The following MYO16 variants were observed in gnomAD, a reference collection of about 807,000 sequenced individuals.
MYO16 encodes myosin XVI.
In MYO16, 94 loss-of-function variants were observed where a neutral mutation model predicts 205.3. The ratio of observed to expected loss-of-function variants is 0.46; its 90% CI spans 0.39 to 0.54. MYO16 has a LOEUF of 0.54. MYO16 is among the 20% of genes least tolerant of loss of function. MYO16 has a pLI of 0.00. For synonymous variants in MYO16, 988 were observed against 954.0 expected (o/e 1.04, Z -0.66); for missense variants, 2,315 against 2,387.5 (o/e 0.97, Z 0.63).
At chr13:108,752,105 C>A (rs1229778287) in intron 4 of MYO16, among the ~76,000 whole-genome samples, 1 of 152,122 alleles carries the variant, frequency 6.6e-6, no homozygotes, top group East Asian at 1.9e-4. Flanking sequence ...TATAGGAATG[C>A]TCTGTGGTAT....
chr13:108,833,862 C>A (rs1876753631), intron 9 of MYO16, among the ~76,000 whole-genome samples: 1 of 152,014 alleles, frequency 6.6e-6, no homozygotes, highest in Admixed American at 6.6e-5. Flanking sequence ...TTAATCTAAG[C>A]TACCCTTGGA....
intron 1 of MYO16, among the ~76,000 whole-genome samples, chr13:108,617,981 GTCT>G (rs1164515137): frequency 1.3e-5 from 2 of 152,120 alleles, no homozygotes; most frequent in African/African-American, 4.8e-5. Context: ...TAGAAAGCTG[GTCT>G]TCTCTCTCAC....
chr13:108,596,894 G>C (rs1291963207), intron 1 of MYO16, among the ~76,000 whole-genome samples: 1 of 152,130 alleles, frequency 6.6e-6, no homozygotes, highest in Non-Finnish European at 1.5e-5. Context: ...GATCAGCAGG[G>C]TGACTAAGGT....
intron 4 of MYO16, among the ~76,000 whole-genome samples, chr13:108,753,301 T>C (rs867458862): frequency 1.4e-5 from 2 of 138,996 alleles, no homozygotes; most frequent in Non-Finnish European, 3.0e-5. Context: ...AACTGGAAGG[T>C]GGAGGTTGCA....
intron 23 of MYO16, among the ~76,000 whole-genome samples, chr13:109,034,195 A>G (rs1380255263): frequency 6.6e-6 from 1 of 152,228 alleles, no homozygotes; most frequent in East Asian, 1.9e-4. Context: ...GGAAAAAGGA[A>G]TTAGAGATAA....
At chr13:108,575,189 T>G in the MYO16 span, among the ~76,000 whole-genome samples, 1 of 152,218 alleles carries the variant, frequency 6.6e-6, no homozygotes, top group Non-Finnish European at 1.5e-5. Flanking sequence ...GGTTCACTTC[T>G]GCAGCCCCAA....
intron 27 of MYO16, among the ~76,000 whole-genome samples, chr13:109,081,528 G>A (rs1476904807): frequency 1.3e-5 from 2 of 152,190 alleles, no homozygotes; most frequent in African/African-American, 4.8e-5. Flanking sequence ...TAGGAGAATA[G>A]CATGATACCT....
intron 32 of MYO16, among the ~76,000 whole-genome samples, chr13:109,164,650 C>A (rs1159561558): frequency 3.9e-5 from 6 of 152,126 alleles, no homozygotes; most frequent in African/African-American, 1.4e-4. Context: ...TCTATGACAT[C>A]AAAAATTCTT....
At chr13:108,622,356 C>A (rs558562673) in intron 1 of MYO16, among the ~76,000 whole-genome samples, 6 of 152,248 alleles carry the variant, frequency 3.9e-5, no homozygotes, top group African/African-American at 1.4e-4. Flanking sequence ...TTTCTTATCA[C>A]AGGAATTTGA....
At chr13:109,065,094 A>G (rs546400928) in intron 27 of MYO16, among the ~76,000 whole-genome samples, 1 of 152,218 alleles carries the variant, frequency 6.6e-6, no homozygotes, top group Admixed American at 6.5e-5. Flanking sequence ...CTTCACTCCT[A>G]TGCCTGGTGC....
chr13:108,558,332 C>T, the MYO16 span, among the ~76,000 whole-genome samples: 1 of 152,170 alleles, frequency 6.6e-6, no homozygotes, highest in Admixed American at 6.5e-5. Flanking sequence ...TGTCCTTTTG[C>T]CTCTCATGTT....
intron 7 of MYO16, among the ~76,000 whole-genome samples, chr13:108,816,523 C>G (rs538682595): frequency 6.6e-6 from 1 of 152,138 alleles, no homozygotes; most frequent in South Asian, 2.1e-4. Flanking sequence ...GTTCTGTAAG[C>G]TGTTTTTCTT....
chr13:108,613,779 A>G (rs1304010851), intron 1 of MYO16, among the ~76,000 whole-genome samples: 1 of 152,152 alleles, frequency 6.6e-6, no homozygotes, highest in Non-Finnish European at 1.5e-5. Flanking sequence ...AAAGTAACAC[A>G]AAAGCCAAAT....
At chr13:108,892,578 A>C (rs1017260703) in intron 14 of MYO16, among the ~76,000 whole-genome samples, 1 of 152,188 alleles carries the variant, frequency 6.6e-6, no homozygotes, top group Non-Finnish European at 1.5e-5. Context: ...AATTTGGGAG[A>C]ATAGCATAAC....
chr13:109,074,737 A>G (rs927372536), intron 27 of MYO16, among the ~76,000 whole-genome samples: 13 of 152,074 alleles, frequency 8.5e-5, no homozygotes, highest in African/African-American at 2.7e-4. Flanking sequence ...CACTATCACA[A>G]AAACAGCATG....
the MYO16 span, among the ~76,000 whole-genome samples, chr13:108,577,326 A>G: frequency 6.6e-6 from 1 of 152,210 alleles, no homozygotes; most frequent in Admixed American, 6.5e-5. Context: ...AAATCTGGCT[A>G]TTAGAGAGCC....
At chr13:108,749,970 A>T (rs530069681) in intron 4 of MYO16, among the ~76,000 whole-genome samples, 1 of 152,388 alleles carries the variant, frequency 6.6e-6, no homozygotes, top group African/African-American at 2.4e-5. Context: ...CTAACAAGCC[A>T]TGAGCAGACA....
intron 16 of MYO16, among the ~76,000 whole-genome samples, chr13:108,924,610 G>T (rs532812589): frequency 6.6e-6 from 1 of 152,308 alleles, no homozygotes; most frequent in African/African-American, 2.4e-5. Context: ...GACGTACCCT[G>T]CTTACTGATT....
chr13:108,838,424 G>A (rs1165081776), intron 9 of MYO16, among the ~76,000 whole-genome samples: 1 of 151,766 alleles, frequency 6.6e-6, no homozygotes, highest in East Asian at 1.9e-4. Flanking sequence ...GGAGGCCAAG[G>A]CAGGTGGATC....
Sources: gnomAD v4.1 joint callset for allele counts (sites outside exome capture counted in the v4.1 genomes callset) on GRCh38, gnomAD v4.1.1 for gene constraint, MANE v1.5 for transcripts, NCBI Gene and HGNC (gene_info 2026-07-23, HGNC 2026-07-21) for gene names.